Variants in SCN4A observed in about 807,000 individuals in gnomAD.
SCN4A encodes the protein sodium voltage-gated channel alpha subunit 4.
SCN4A carries 83 observed loss-of-function variants against 162.0 expected under a neutral mutation model. That is an observed-to-expected ratio of 0.51 (90% confidence interval 0.43 to 0.61). The LOEUF (loss-of-function observed/expected upper bound fraction) is 0.61, where lower values mean the gene tolerates loss of function less well. Ranked by LOEUF, SCN4A falls within the 20% of genes least tolerant of loss-of-function variation. The probability of loss-of-function intolerance (pLI) is 0.00; values close to 1 mark genes in which losing one functional copy is unlikely to be tolerated. For synonymous variants in SCN4A, 944 were observed against 985.1 expected (o/e 0.96, Z 0.78); for missense variants, 2,196 against 2,462.5 (o/e 0.89, Z 2.29).
rs565136345 is a variant in SCN4A at position 63,968,115 on chromosome 17, T to C, written c.944A>G (p.Asn315Ser). 1 of 1,613,878 alleles carries C rather than the reference T, an allele frequency of 6.2e-7. No individual in the cohort carries two copies. Among genetic ancestry groups the C allele is most frequent in the South Asian group, 1.1e-5 (1 of 91,076 alleles). Residue 315 changes from asparagine (N) to serine (S), a missense_variant, in exon 6 of 24, where the codon AAT (asparagine) becomes AGT (serine). Transcript: ENST00000435607. Reference sequence around the variant, plus strand: ...CGTGTCGTTGGCATACCATGAGTCATTGCCGTACCACATCTCATTGCCATA... The same window carrying C: ...CGTGTCGTTGGCATACCATGAGTCACTGCCGTACCACATCTCATTGCCATA... ...TWYGNEMWYG[N>S]DSWYANDTWN...
In SCN4A at chr17:63,945,447, G is replaced by C; in HGVS notation, c.3633C>G (p.Ser1211Arg). The C allele has an allele frequency of 6.2e-7, 1 of 1,613,746 alleles. No individual in the cohort carries two copies. Among genetic ancestry groups the C allele is most frequent in the Non-Finnish European group, 8.5e-7 (1 of 1,179,660 alleles). ...SEVNNKSECE[S>R]LMHTGQVRWL... is the part of the protein sequence containing the mutation. ...AGCGGACCTGGCCTGTGTGCATGAG[G>C]CTCTCGCACTCAGACTTGTTGTTGA... The change falls in exon 19 of 24, where the codon AGC becomes AGG. Residue 1211 changes from serine (S) to arginine (R), a missense_variant. Physicochemically the swap from Ser to Arg is moderately radical, Grantham distance 110. Coordinates refer to ENST00000435607, the MANE Select transcript of SCN4A (RefSeq NM_000334.4). The surrounding 1 kb of genome is among the most constrained non-coding windows in gnomAD (Gnocchi z 4.4).
At position 63,961,449 on chromosome 17, in the gene SCN4A, G is replaced by A; in HGVS notation, c.1607-18C>T. The A allele has an allele frequency of 5.1e-6, 8 of 1,575,798 alleles. No individual in the cohort carries two copies. Among genetic ancestry groups the A allele is most frequent in the Non-Finnish European group, 7.0e-6 (8 of 1,145,730 alleles). On this transcript the variant is annotated intron_variant, in intron 10 of 23. Coordinates refer to ENST00000435607, the MANE Select transcript of SCN4A (RefSeq NM_000334.4). ...TTCCAGTTCTGGGAGAGGGGTGGTA[G>A]CAGGTATCTGGTGAGGATTATCCCC...
intron 11 of SCN4A, among the ~76,000 whole-genome samples, chr17:63,960,774 G>T (rs887203551): frequency 1.3e-5 from 2 of 152,044 alleles, no homozygotes; most frequent in African/African-American, 4.8e-5. Flanking sequence ...GGTAGCCAGG[G>T]CTATAGGTCA....
chr17:63,971,362 G>T (rs1256360505), intron 4 of SCN4A, 109 bp from the exon 5 acceptor site: 2 of 706,750 alleles, frequency 2.8e-6, no homozygotes, highest in South Asian at 1.6e-5. Context: ...GAAATTGGGG[G>T]TACCACAGGG....
chr17:63,956,954 C>T (rs1909087182), intron 13 of SCN4A, among the ~76,000 whole-genome samples: 1 of 152,262 alleles, frequency 6.6e-6, no homozygotes, highest in African/African-American at 2.4e-5. Flanking sequence ...CTGAATCAGA[C>T]ACTCTGGGGG....
rs1057520169 is a variant in SCN4A at position 63,941,867 on chromosome 17, A to G, written c.4415T>C (p.Leu1472Pro). Reference sequence around the variant, plus strand: ...AGGCAGCGACATCATGAGGGCGAACAGCAGCGTCCGGATGCCCTTGGCCCC... The same window carrying G: ...AGGCAGCGACATCATGAGGGCGAACGGCAGCGTCCGGATGCCCTTGGCCCC... ...IRGAKGIRTL[L>P]FALMMSLPAL... The change falls in exon 24 of 24, where the codon CTG becomes CCG. Residue 1472 changes from leucine (L) to proline (P), a missense_variant. Transcript: ENST00000435607. This position sits in a 1 kb window ranked among gnomAD's most constrained non-coding sequence, Gnocchi z 6.2. 3.7e-6 allele frequency: 6 copies of G among 1,614,016 alleles called. No homozygotes were observed. The highest frequency in any genetic ancestry group is 5.1e-6 in the Non-Finnish European group (6 of 1,179,834).
intron 16 of SCN4A, 89 bp from the exon 17 acceptor site, chr17:63,948,152 C>A: frequency 8.9e-7 from 1 of 1,118,840 alleles, no homozygotes; most frequent in East Asian, 2.7e-5. Context: ...CTGCTGGTTC[C>A]CGGGGGTCTG....
In SCN4A at chr17:63,945,328, G is replaced by A. The variant is rs1275431026; in HGVS notation, c.3720+32C>T. The A allele has an allele frequency of 6.3e-7, 1 of 1,587,556 alleles. No individual in the cohort carries two copies. Among genetic ancestry groups the A allele is most frequent in the East Asian group, 2.2e-5 (1 of 44,520 alleles). ...CCGGGGTGGGGGGCACCTCCATCCA[G>A]GTTCCCGGCAGGGGTGGTGGGTCAC... is the stretch of plus-strand genomic sequence containing the variant. On this transcript the variant is annotated intron_variant, in intron 19 of 23. Coordinates refer to ENST00000435607, the MANE Select transcript of SCN4A (RefSeq NM_000334.4). This position sits in a 1 kb window ranked among gnomAD's most constrained non-coding sequence, Gnocchi z 4.4.
rs147620464 is a variant in SCN4A, at chr17:63,950,793, C to T, written c.2853+631G>A. On this transcript the variant is annotated intron_variant, in intron 14 of 23. Coordinates refer to ENST00000435607, the MANE Select transcript of SCN4A (RefSeq NM_000334.4). The surrounding 1 kb of genome is among the most constrained non-coding windows in gnomAD (Gnocchi z 4.6). ...TACCACCGCTGCGTTCCTGTCCCTT[C>T]CTCGACCTCGCAGTGGAGGGGTGGG... Among the ~76,000 whole-genome samples the T allele has an allele frequency of 6.6e-6, 1 of 152,328 alleles. No individual in the cohort carries two copies. Among genetic ancestry groups the T allele is most frequent in the East Asian group, 1.9e-4 (1 of 5,184 alleles).
chr17:63,954,346 C>G (rs1268539251), intron 13 of SCN4A, among the ~76,000 whole-genome samples: 1 of 152,156 alleles, frequency 6.6e-6, no homozygotes, highest in African/African-American at 2.4e-5. Context: ...TGCCCCCCAC[C>G]AAAACGCATT....
In SCN4A at chr17:63,971,806, A is replaced by G. The variant is rs1909617747; in HGVS notation, c.527T>C (p.Ile176Thr). The change falls in exon 4 of 24, where the codon ATA (isoleucine) becomes ACA (threonine). Residue 176 changes from isoleucine to threonine, a missense_variant. Physicochemically the swap from Ile to Thr is moderately conservative, Grantham distance 89. Transcript: ENST00000435607. ...GIYTFESLIK[I>T]LARGFCVDDF... ...GTCGACACAGAAGCCTCGGGCCAGTATCTTGATGAGGGACTCAAAGGTGTA... is the reference window on the plus strand; with the variant it reads ...GTCGACACAGAAGCCTCGGGCCAGTGTCTTGATGAGGGACTCAAAGGTGTA... 2 of 1,613,726 alleles carry G rather than the reference A, an allele frequency of 1.2e-6. No homozygotes were observed. Among genetic ancestry groups the G allele is most frequent in the Non-Finnish European group, 1.7e-6 (2 of 1,179,786 alleles).
chr17:63,964,433 C>T (rs1909368486), intron 9 of SCN4A, 35 bp downstream of exon 9: 1 of 1,598,830 alleles, frequency 6.3e-7, no homozygotes, highest in African/African-American at 1.3e-5. Context: ...CAGGTAGAAC[C>T]CTGGGTCCTC....
In SCN4A at chr17:63,941,244, G is replaced by A. The variant is rs1226397635; in HGVS notation, c.5038C>T (p.Leu1680Phe). Residue 1680 changes from leucine (L) to phenylalanine (F), a missense_variant, in exon 24 of 24, where the codon CTC becomes TTC. Transcript: ENST00000435607. The surrounding 1 kb of genome is among the most constrained non-coding windows in gnomAD (Gnocchi z 6.2). Reference protein sequence around the residue: ...PGDKIHCLDILFALTKEVLGD... With the variant: ...PGDKIHCLDIFFALTKEVLGD... ...AGGACCTCTTTGGTCAGGGCAAAGAGGATGTCCAGGCAGTGGATCTTGTCC... is the reference window on the plus strand; with the variant it reads ...AGGACCTCTTTGGTCAGGGCAAAGAAGATGTCCAGGCAGTGGATCTTGTCC... The A allele has an allele frequency of 6.2e-7, 1 of 1,613,904 alleles. No individual in the cohort carries two copies. The highest frequency in any genetic ancestry group is 8.5e-7 in the Non-Finnish European group (1 of 1,179,868).
At chr17:63,970,810 T>G (rs1333503136) in intron 5 of SCN4A, among the ~76,000 whole-genome samples, 2 of 152,116 alleles carry the variant, frequency 1.3e-5, no homozygotes, top group Non-Finnish European at 2.9e-5. Flanking sequence ...ATTTTTGTAT[T>G]TTTAGTAGAG....
At chr17:63,961,822 C>A (rs1459265270) in intron 10 of SCN4A, 6 of 212,452 alleles carry the variant, frequency 2.8e-5, no homozygotes, top group African/African-American at 1.1e-4. Context: ...ACACACCTCT[C>A]TAAACCCCGC....
rs1260666135 is a variant in SCN4A, at chr17:63,948,045, T to C, written c.3163A>G (p.Ile1055Val). 1 of 1,605,340 alleles carries C rather than the reference T, an allele frequency of 6.2e-7. No individual in the cohort carries two copies. Among genetic ancestry groups the C allele is most frequent in the East Asian group, 2.2e-5 (1 of 44,516 alleles). The change falls in exon 17 of 24, where the codon ATT (isoleucine) becomes GTT (valine). Residue 1055 changes from isoleucine (I) to valine (V), a missense_variant. Coordinates refer to ENST00000435607, the MANE Select transcript of SCN4A (RefSeq NM_000334.4). ...SGALAFEDIY[I>V]EQRRVIRTIL... is the part of the protein sequence containing the mutation. ...GTGCGAATGACTCGCCGCTGCTCAA[T>C]GTAGATGTCCTCGAAGGCCTGGGGG...
chr17:63,940,486 G>A lies in SCN4A; in HGVS notation c.*285C>T, dbSNP rs899035395. On this transcript the variant is annotated 3_prime_UTR_variant, in exon 24 of 24. Coordinates refer to ENST00000435607, the MANE Select transcript of SCN4A (RefSeq NM_000334.4). ...GACCTCCCCCAGGCCAAAAGGAGGG[G>A]CGACAGGGCCCAGAGGAGGTCAGAG... The A allele has an allele frequency of 1.2e-5, 5 of 401,458 alleles. No homozygotes were observed. Among genetic ancestry groups the A allele is most frequent in the African/African-American group, 2.1e-5 (1 of 48,478 alleles). The allele number at this position is 401,458 out of a possible 1,614,324, so 24.9% of individuals were successfully genotyped here.
chr17:63,971,649 G>C (rs1909611412), intron 4 of SCN4A, 73 bp downstream of exon 4: 4 of 1,408,150 alleles, frequency 2.8e-6, no homozygotes, highest in Middle Eastern at 2.4e-4. Flanking sequence ...AGCCCAGGCA[G>C]CTTCCCTCTT....
In SCN4A at chr17:63,961,432, C is replaced by G. The variant is rs267604991; in HGVS notation, c.1607-1G>C. ...CACTTTTGGTGGGCCTCTTCCAGTT[C>G]TGGGAGAGGGGTGGTAGCAGGTATC... On this transcript the variant is annotated splice_acceptor_variant, in intron 10 of 23. Transcript: ENST00000435607. LOFTEE classifies it high-confidence loss of function. 5.6e-6 allele frequency: 9 copies of G among 1,607,974 alleles called. No homozygotes were observed. Among genetic ancestry groups the G allele is most frequent in the Admixed American group, 1.7e-5 (1 of 59,968 alleles).
Sources: gnomAD v4.1 joint callset for allele counts (sites outside exome capture counted in the v4.1 genomes callset) on GRCh38, gnomAD v4.1.1 for gene constraint, Gnocchi (gnomAD v3.1) non-coding constraint, MANE v1.5 for transcripts, NCBI Gene and HGNC (gene_info 2026-07-23, HGNC 2026-07-21) for gene names.